The following CGNL1 variants were observed in gnomAD, a reference collection of about 807,000 sequenced individuals.
The protein encoded by CGNL1 is cingulin-like protein 1.
In CGNL1, 132 loss-of-function variants were observed where a neutral mutation model predicts 141.2. That is an observed-to-expected ratio of 0.93 (90% CI 0.81 to 1.08). The LOEUF (loss-of-function observed/expected upper bound fraction) is 1.08, where lower values mean the gene tolerates loss of function less well. Ranked by LOEUF, CGNL1 falls within the 50% of genes least tolerant of loss-of-function variation. The probability of loss-of-function intolerance (pLI) is 0.00; values close to 1 mark genes in which losing one functional copy is unlikely to be tolerated. For synonymous variants in CGNL1, 690 were observed against 622.1 expected, an observed-to-expected ratio of 1.11 and a Z score of -1.63; for missense variants, 1,870 against 1,588.6, an observed-to-expected ratio of 1.18 and a Z score of -3.01.
intron 1 of CGNL1, among the ~76,000 whole-genome samples, chr15:57,414,192 C>T (rs1050713114): frequency 2.6e-5 from 4 of 152,138 alleles, no homozygotes; most frequent in African/African-American, 9.7e-5. Flanking sequence ...GTTCCCTTTG[C>T]TAAGGGGGCT....
At chr15:57,490,851 C>T (rs1259990773) in intron 8 of CGNL1, among the ~76,000 whole-genome samples, 2 of 152,142 alleles carry the variant, frequency 1.3e-5, no homozygotes, top group African/African-American at 4.8e-5. Flanking sequence ...AGTATCTACC[C>T]TTGATATGAT....
Position 57,438,139 on chromosome 15 carries a change from A to T in CGNL1, c.140A>T (p.Gln47Leu). Reference sequence around the variant, plus strand: ...TCCTACGGTGTCAGTATTCGGGTCCAGGGAATTGATGGTCACCCCTATATT... The same window carrying T: ...TCCTACGGTGTCAGTATTCGGGTCCTGGGAATTGATGGTCACCCCTATATT... ...AGSYGVSIRV[Q>L]GIDGHPYIVL... The change falls in exon 2 of 19, where the codon CAG becomes CTG. Residue 47 changes from glutamine (Q) to leucine (L), a missense_variant. Coordinates refer to ENST00000281282, the MANE Select transcript of CGNL1 (RefSeq NM_032866.5). The T allele has an allele frequency of 6.2e-7, 1 of 1,614,212 alleles. No individual in the cohort carries two copies. The highest frequency in any genetic ancestry group is 1.7e-5 in the Admixed American group (1 of 60,024).
Position 57,400,595 on chromosome 15 carries a change from A to G in CGNL1, c.-16+24028A>G, listed in dbSNP as rs551581431. Among the ~76,000 whole-genome samples, 21 of 152,084 alleles carry G rather than the reference A, an allele frequency of 1.4e-4. 1 individual carries two copies. The highest frequency in any genetic ancestry group is 4.6e-4 in the Admixed American group (7 of 15,258). The stretch of plus-strand genomic sequence containing the variant: ...TTCTTTCTTATTGTAAAAACAATAC[A>G]TGTTTGTGCGGGCATGGTGGCTCAT... On this transcript the variant is annotated intron_variant, in intron 1 of 18. Transcript: ENST00000281282.
intron 8 of CGNL1, among the ~76,000 whole-genome samples, chr15:57,515,863 T>C (rs2030731417): frequency 6.6e-6 from 1 of 152,012 alleles, no homozygotes. Flanking sequence ...CAAGAGCTTC[T>C]ATTAAAGACC....
rs1291183152 is a variant in CGNL1, at chr15:57,438,612, T to G, written c.613T>G (p.Leu205Val). ...CAATTCCCAGCCTACCAGTCCCTCC[T>G]TGGAAGACCCGGCCAAATCTGGTGT... is the stretch of plus-strand genomic sequence containing the variant. ...PSNSQPTSPS[L>V]EDPAKSGVTA... The change falls in exon 2 of 19, where the codon TTG becomes GTG. Residue 205 changes from leucine to valine, a missense_variant. By Grantham distance (32) the Leu-to-Val change is conservative. Coordinates refer to ENST00000281282, the MANE Select transcript of CGNL1 (RefSeq NM_032866.5). 1.9e-6 allele frequency: 3 copies of G among 1,613,840 alleles called. No individual in the cohort carries two copies. Among genetic ancestry groups the G allele is most frequent in the African/African-American group, 1.3e-5 (1 of 74,936 alleles).
rs529883100 is a variant in CGNL1 at position 57,379,323 on chromosome 15, A to G, written c.-16+2756A>G. Among the ~76,000 whole-genome samples the G allele has an allele frequency of 1.2e-4, 19 of 152,358 alleles. 1 individual carries two copies. The South Asian group carries it at 2.5e-3, about 20-fold the overall frequency. On this transcript the variant is annotated intron_variant, in intron 1 of 18. Coordinates refer to ENST00000281282, the MANE Select transcript of CGNL1 (RefSeq NM_032866.5). ...TTTCTCACTTTGGAGTAGCAGCTCT[A>G]ATATCCTAAAGTGATTAGAAGAAAG...
chr15:57,489,742 A>G, intron 8 of CGNL1, among the ~76,000 whole-genome samples: 1 of 152,188 alleles, frequency 6.6e-6, no homozygotes, highest in South Asian at 2.1e-4. Flanking sequence ...CTACCATTCA[A>G]GTGGTTTCCC....
chr15:57,438,785 A>C lies in CGNL1; in HGVS notation c.786A>C (p.Pro262=), dbSNP rs1444438546. ...GGAGGCCCCTGACTGCCCACAGCCC[A>C]CATGCCCACCCTGAAACCAAGAAAA... ...TSGRPLTAHS[P]HAHPETKKTR... Residue 262 remains proline (P), a synonymous_variant, in exon 2 of 19, where the codon CCA becomes CCC. Transcript: ENST00000281282. 3 of 1,614,146 alleles carry C rather than the reference A, an allele frequency of 1.9e-6. No homozygotes were observed. Among genetic ancestry groups the C allele is most frequent in the South Asian group, 1.1e-5 (1 of 91,084 alleles).
chr15:57,400,696 A>T (rs1242677357), intron 1 of CGNL1, among the ~76,000 whole-genome samples: 1 of 152,022 alleles, frequency 6.6e-6, no homozygotes, highest in African/African-American at 2.4e-5. Context: ...CAGCCTGGCT[A>T]ACCTGGTGAA....
chr15:57,416,277 A>G (rs1455193744), intron 1 of CGNL1, among the ~76,000 whole-genome samples: 1 of 150,614 alleles, frequency 6.6e-6, no homozygotes, highest in Non-Finnish European at 1.5e-5. Flanking sequence ...GAAACCGACC[A>G]TTCCTTTATT....
rs552363984 is a variant in CGNL1 at position 57,386,316 on chromosome 15, A to G, written c.-16+9749A>G. 2.6e-5 allele frequency among the ~76,000 whole-genome samples: 4 copies of G among 152,032 alleles called. No homozygotes were observed. The South Asian group carries it at 8.3e-4, about 32-fold the overall frequency. Reference sequence around the variant, plus strand: ...TAAAGGGCAGATAGGTAATTGTGTCACCCTCCCATCTCGTCATGTTGCTCT... The same window carrying G: ...TAAAGGGCAGATAGGTAATTGTGTCGCCCTCCCATCTCGTCATGTTGCTCT... On this transcript the variant is annotated intron_variant, in intron 1 of 18. Coordinates refer to ENST00000281282, the MANE Select transcript of CGNL1 (RefSeq NM_032866.5).
intron 8 of CGNL1, among the ~76,000 whole-genome samples, chr15:57,476,188 A>G (rs1338189979): frequency 6.6e-6 from 1 of 152,104 alleles, no homozygotes; most frequent in Non-Finnish European, 1.5e-5. Flanking sequence ...AGTTCGGAAA[A>G]GGGTGACTTT....
intron 1 of CGNL1, chr15:57,394,105 G>GTTTTTTTTTTTTTTTTTTTT (rs1491022136): frequency 3.5e-5 from 1 of 28,684 alleles, no homozygotes; most frequent in Non-Finnish European, 7.8e-5. Context: ...ATTTCTGTTT[G>GTTTTTTTTTTTTTTTTTTTT]TTTTTTTTTT....
chr15:57,402,277 C>G (rs944639999), intron 1 of CGNL1, among the ~76,000 whole-genome samples: 3 of 152,228 alleles, frequency 2.0e-5, no homozygotes, highest in African/African-American at 4.8e-5. Flanking sequence ...TGCTCCTGCT[C>G]TTGCCATGTG....
At chr15:57,509,059 C>T (rs2029981952) in intron 8 of CGNL1, among the ~76,000 whole-genome samples, 1 of 152,168 alleles carries the variant, frequency 6.6e-6, no homozygotes, top group African/African-American at 2.4e-5. Flanking sequence ...GGGGGACTTG[C>T]TTTCCTAACA....
At chr15:57,385,789 T>A (rs1389323351) in intron 1 of CGNL1, among the ~76,000 whole-genome samples, 1 of 152,202 alleles carries the variant, frequency 6.6e-6, no homozygotes, top group East Asian at 1.9e-4. Flanking sequence ...TCTTGGTAGT[T>A]ATGACTGGGG....
intron 8 of CGNL1, among the ~76,000 whole-genome samples, chr15:57,499,422 G>A (rs2063990980): frequency 1.3e-5 from 2 of 151,978 alleles, no homozygotes; most frequent in Admixed American, 1.3e-4. Flanking sequence ...ATTTTTAGTA[G>A]AGGCGGGGTT....
At chr15:57,397,878 GT>G (rs756083777) in intron 1 of CGNL1, among the ~76,000 whole-genome samples, 10 of 151,910 alleles carry the variant, frequency 6.6e-5, no homozygotes, top group Non-Finnish European at 1.3e-4. Context: ...CACCTCCTGG[GT>G]TCAAGCCATT....
intron 1 of CGNL1, among the ~76,000 whole-genome samples, chr15:57,396,441 T>C (rs541310740): frequency 6.6e-6 from 1 of 152,068 alleles, no homozygotes; most frequent in South Asian, 2.1e-4. Flanking sequence ...GCCTGGCTAA[T>C]TTTTAATTTT....
Sources: gnomAD v4.1 joint callset for allele counts (sites outside exome capture counted in the v4.1 genomes callset) on GRCh38, gnomAD v4.1.1 for gene constraint, MANE v1.5 for transcripts, NCBI Gene and HGNC (gene_info 2026-07-23, HGNC 2026-07-21) for gene names.